The following UCK2 variants were observed in gnomAD, a reference collection of about 807,000 sequenced individuals.
UCK2 encodes uridine-cytidine kinase 2.
A neutral mutation model predicts 30.8 loss-of-function variants in UCK2; 6 were observed. That is an observed-to-expected ratio of 0.19 (90% CI 0.11 to 0.38). UCK2 has a LOEUF of 0.38. Ranked by LOEUF, UCK2 falls within the 10% of genes least tolerant of loss-of-function variation. The pLI is 1.00. For missense variants in UCK2, 210 were observed against 339.8 expected, an observed-to-expected ratio of 0.62 and a Z score of 3.00; for synonymous variants, 125 against 133.6, an observed-to-expected ratio of 0.94 and a Z score of 0.45.
intron 1 of UCK2, among the ~76,000 whole-genome samples, chr1:165,880,553 AG>A (rs1213850395): frequency 9.5e-6 from 1 of 105,082 alleles, no homozygotes; most frequent in Non-Finnish European, 2.2e-5. Flanking sequence ...AGATCCATTC[AG>A]TTTTTTTTGG....
At chr1:165,884,963 T>C (rs758836614) in intron 1 of UCK2, among the ~76,000 whole-genome samples, 8 of 152,234 alleles carry the variant, frequency 5.3e-5, no homozygotes, top group Admixed American at 1.3e-4. Flanking sequence ...AATAAACATT[T>C]CTAGAACAGG....
intron 1 of UCK2, among the ~76,000 whole-genome samples, chr1:165,886,642 C>A (rs564140870): frequency 6.6e-6 from 1 of 152,256 alleles, no homozygotes; most frequent in Non-Finnish European, 1.5e-5. Flanking sequence ...CCATTTCATC[C>A]TTTTGAAGAG....
At chr1:165,868,772 CT>C (rs1655115627) in intron 1 of UCK2, among the ~76,000 whole-genome samples, 1 of 152,174 alleles carries the variant, frequency 6.6e-6, no homozygotes, top group Non-Finnish European at 1.5e-5. Flanking sequence ...GTTTTGCTTT[CT>C]TATCATTCAT....
At chr1:165,895,563 T>C in intron 3 of UCK2, 1 of 985,602 alleles carries the variant, frequency 1.0e-6, no homozygotes, top group Non-Finnish European at 1.2e-6. Flanking sequence ...AGGATTGACC[T>C]GTGGCCACTT....
chr1:165,851,813 A>G lies in UCK2; in HGVS notation c.99+23881A>G, dbSNP rs148962164. Among the ~76,000 whole-genome samples, 60 of 152,248 alleles carry G rather than the reference A, an allele frequency of 3.9e-4. No homozygotes were observed. In the East Asian group the frequency reaches 4.4e-3, roughly 11 times the overall value. On this transcript the variant is annotated intron_variant, in intron 1 of 6. Transcript: ENST00000367879. ...TGTGTCCATGGGTTCTCGTTGTTCA[A>G]CTTGCACTTACGAGTGAGAATATGA...
intron 1 of UCK2, among the ~76,000 whole-genome samples, chr1:165,831,366 G>A (rs1325627032): frequency 6.6e-6 from 1 of 152,116 alleles, no homozygotes; most frequent in Non-Finnish European, 1.5e-5. Flanking sequence ...ACTGGGCAAC[G>A]TAGCAAGACC....
At chr1:165,858,294 T>A (rs992875568) in intron 1 of UCK2, among the ~76,000 whole-genome samples, 6 of 152,212 alleles carry the variant, frequency 3.9e-5, no homozygotes, top group African/African-American at 1.4e-4. Context: ...GCTCCACCAG[T>A]AAGATATGGA....
chr1:165,856,316 G>T (rs1428984849), intron 1 of UCK2, among the ~76,000 whole-genome samples: 1 of 151,630 alleles, frequency 6.6e-6, no homozygotes, highest in Admixed American at 6.6e-5. Context: ...GCCAAATTAT[G>T]GTACTAAGTA....
chr1:165,896,011 C>A, intron 3 of UCK2, 179 bp from the exon 4 acceptor site: 2 of 753,842 alleles, frequency 2.7e-6, no homozygotes, highest in Non-Finnish European at 4.3e-6. Flanking sequence ...TCACCCTTGG[C>A]TCTTTGGTGG....
chr1:165,833,101 G>A (rs1654095069), intron 1 of UCK2, among the ~76,000 whole-genome samples: 1 of 152,140 alleles, frequency 6.6e-6, no homozygotes, highest in African/African-American at 2.4e-5. Context: ...CTCTGGACCC[G>A]TGTCGGCGCC....
intron 1 of UCK2, among the ~76,000 whole-genome samples, chr1:165,870,728 GA>G (rs1320112265): frequency 1.2e-4 from 18 of 152,352 alleles, no homozygotes; most frequent in African/African-American, 4.3e-4. Context: ...GGTAGGATTA[GA>G]AACATGTATT....
intron 1 of UCK2, among the ~76,000 whole-genome samples, chr1:165,857,147 T>C (rs1035450042): frequency 6.6e-6 from 1 of 152,088 alleles, no homozygotes; most frequent in African/African-American, 2.4e-5. Context: ...TGTTACATAT[T>C]AACATGACAA....
In UCK2 at chr1:165,896,211, C is replaced by T; in HGVS notation, c.378C>T (p.Val126=). ...GCAGGAAGGAGGAGACAGTTACTGT[C>T]TATCCCGCAGACGTGGTGCTCTTTG... ...SHSRKEETVT[V]YPADVVLFEG... is the part of the protein sequence containing the mutation. The change falls in exon 4 of 7, where the codon GTC becomes GTT. Residue 126 remains valine, a synonymous_variant. Transcript: ENST00000367879. 1.2e-6 allele frequency: 2 copies of T among 1,614,166 alleles called. No homozygotes were observed. Among genetic ancestry groups the T allele is most frequent in the Non-Finnish European group, 1.7e-6 (2 of 1,180,024 alleles).
Position 165,880,562 on chromosome 1 carries a change from TGGGGGTGTGTGTGTG to T in UCK2, c.100-9641_100-9627del, listed in dbSNP as rs1388515807. ...AAGCCTAGATCCATTCAGTTTTTTT[TGGGGGTGTGTGTGTG>T]TGTGTGTGTGTGTGTGTGTGTGTGT... On this transcript the variant is annotated intron_variant, in intron 1 of 6. Transcript: ENST00000367879. 5.8e-3 allele frequency among the ~76,000 whole-genome samples: 668 copies of T among 115,844 alleles called. 4 individuals carry two copies. The highest frequency in any genetic ancestry group is 0.019 in the African/African-American group (540 of 28,886). 76.0% of individuals were successfully genotyped at this position (115,844 alleles called of 152,430 possible).
chr1:165,875,927 A>G (rs1332351450), intron 1 of UCK2, among the ~76,000 whole-genome samples: 2 of 152,138 alleles, frequency 1.3e-5, no homozygotes, highest in African/African-American at 4.8e-5. Flanking sequence ...TTTGAGACCC[A>G]CAATCTGAAA....
At chr1:165,887,820 A>T (rs1295156006) in intron 1 of UCK2, among the ~76,000 whole-genome samples, 1 of 152,006 alleles carries the variant, frequency 6.6e-6, no homozygotes, top group African/African-American at 2.4e-5. Flanking sequence ...TGGTTTTGTA[A>T]CATTTTCACT....
chr1:165,851,695 T>C lies in UCK2; in HGVS notation c.99+23763T>C, dbSNP rs116390853. On this transcript the variant is annotated intron_variant, in intron 1 of 6. Coordinates refer to ENST00000367879, the MANE Select transcript of UCK2 (RefSeq NM_012474.5). Reference sequence around the variant, plus strand: ...CGGGTTTGTTATATAGATATACGTGTGCCATGGTGGTTTGCTGCACCTATT... The same window carrying C: ...CGGGTTTGTTATATAGATATACGTGCGCCATGGTGGTTTGCTGCACCTATT... Among the ~76,000 whole-genome samples, 1,016 of 152,248 alleles carry C rather than the reference T, an allele frequency of 6.7e-3. 18 individuals carry two copies. Among genetic ancestry groups the C allele is most frequent in the African/African-American group, 0.023 (959 of 41,524 alleles).
chr1:165,833,286 T>C lies in UCK2; in HGVS notation c.99+5354T>C, dbSNP rs563026402. On this transcript the variant is annotated intron_variant, in intron 1 of 6. Transcript: ENST00000367879. ...TCAAACTGCTGCCATGATCTGGCCC[T>C]TCGGACCTTCTTCCCTTTCCCCCTT... Among the ~76,000 whole-genome samples the C allele has an allele frequency of 5.3e-5, 8 of 152,250 alleles. No individual in the cohort carries two copies. The East Asian group carries it at 1.5e-3, about 29-fold the overall frequency.
chr1:165,851,813 A>C (rs148962164), intron 1 of UCK2, among the ~76,000 whole-genome samples: 3 of 152,132 alleles, frequency 2.0e-5, no homozygotes, highest in African/African-American at 7.2e-5. Context: ...TCGTTGTTCA[A>C]CTTGCACTTA....
Sources: gnomAD v4.1 joint callset for allele counts (sites outside exome capture counted in the v4.1 genomes callset) on GRCh38, gnomAD v4.1.1 for gene constraint, MANE v1.5 for transcripts, NCBI Gene and HGNC (gene_info 2026-07-23, HGNC 2026-07-21) for gene names.